The following SPTBN1 variants were observed in gnomAD, a reference collection of about 807,000 sequenced individuals.
SPTBN1 encodes the protein spectrin beta chain, non-erythrocytic 1.
Under a neutral mutation model 266.4 loss-of-function variants are expected in SPTBN1, and 32 were observed. The observed-to-expected ratio is 0.12, with a 90% CI of 0.09 to 0.16. SPTBN1 has a LOEUF of 0.16. SPTBN1 is among the 10% of genes least tolerant of loss of function. The pLI, the probability that SPTBN1 is intolerant of heterozygous loss-of-function variation, is 1.00. For missense variants in SPTBN1, 2,296 were observed against 3,067.1 expected (o/e 0.75, Z 5.94); for synonymous variants, 1,336 against 1,162.2 (o/e 1.15, Z -3.04).
chr2:54,621,274 C>T (rs1558436054), intron 7 of SPTBN1, 126 bp from the exon 8 acceptor site: 1 of 590,866 alleles, frequency 1.7e-6, no homozygotes, highest in South Asian at 2.5e-5. Context: ...TGGCAGAACA[C>T]TCAGGTACAA....
chr2:54,560,568 T>C (rs2104469204), intron 2 of SPTBN1, among the ~76,000 whole-genome samples: 1 of 152,264 alleles, frequency 6.6e-6, no homozygotes, highest in Admixed American at 6.5e-5. Flanking sequence ...TTAAAAAAAA[T>C]CATGTGCCCC....
intron 2 of SPTBN1, among the ~76,000 whole-genome samples, chr2:54,574,301 C>G (rs1674306198): frequency 6.6e-6 from 1 of 152,124 alleles, no homozygotes; most frequent in African/African-American, 2.4e-5. Context: ...GCGGAGCCGG[C>G]CTTTGCACCT....
chr2:54,580,753 C>G (rs919009052), intron 2 of SPTBN1, among the ~76,000 whole-genome samples: 1 of 152,030 alleles, frequency 6.6e-6, no homozygotes, highest in Non-Finnish European at 1.5e-5. Flanking sequence ...ATATGAGAGA[C>G]ACACATAACC....
rs1243865078 is a variant in SPTBN1, at chr2:54,554,963, C to T, written c.148+28397C>T. 6.6e-6 allele frequency among the ~76,000 whole-genome samples: 1 copy of T among 152,212 alleles called. No homozygotes were observed. Among genetic ancestry groups the T allele is most frequent in the East Asian group, 1.9e-4 (1 of 5,200 alleles). On this transcript the variant is annotated intron_variant, in intron 2 of 35. Transcript: ENST00000356805. This position sits in a 1 kb window ranked among gnomAD's most constrained non-coding sequence, Gnocchi z 4.5. ...CTCGTTATTTTCTAACTCCCTGTAA[C>T]CCAGCTTTTGCTTTTATTAACCCAG...
Position 54,632,697 on chromosome 2 carries a change from C to T in SPTBN1, c.3696C>T (p.Gly1232=), listed in dbSNP as rs767198212. The part of the protein sequence containing the change: ...EEKINAVVET[G]RRLVSDGNIN... ...AGATCAATGCTGTGGTGGAGACTGG[C>T]CGGAGGCTGGTGAGCGATGGGAACA... Residue 1232 remains glycine (G), a synonymous_variant, in exon 17 of 36, where the codon GGC becomes GGT. Transcript: ENST00000356805. 1.9e-6 allele frequency: 3 copies of T among 1,614,054 alleles called. No homozygotes were observed. The highest frequency in any genetic ancestry group is 1.7e-5 in the Admixed American group (1 of 59,998).
At chr2:54,597,702 G>A (rs1239893096) in intron 2 of SPTBN1, among the ~76,000 whole-genome samples, 2 of 152,174 alleles carry the variant, frequency 1.3e-5, no homozygotes, top group Admixed American at 6.6e-5. Flanking sequence ...AAAGCCTTCA[G>A]ACAGACCTTC....
At chr2:54,651,215 A>G (rs375082333) in intron 26 of SPTBN1, among the ~76,000 whole-genome samples, 1 of 152,230 alleles carries the variant, frequency 6.6e-6, no homozygotes, top group African/African-American at 2.4e-5. Flanking sequence ...ACTGCAAGAC[A>G]CTTGAGAGAC....
chr2:54,570,069 C>G (rs756935451), intron 2 of SPTBN1, among the ~76,000 whole-genome samples: 1 of 150,098 alleles, frequency 6.7e-6, no homozygotes, highest in African/African-American at 2.4e-5. Flanking sequence ...CTCTCAAGTT[C>G]ATAAAAGCCT....
chr2:54,593,240 T>C (rs1675806083), intron 2 of SPTBN1, among the ~76,000 whole-genome samples: 2 of 152,136 alleles, frequency 1.3e-5, no homozygotes, highest in South Asian at 4.2e-4. Context: ...CAGAACCATT[T>C]CTGGTTCCTA....
At chr2:54,486,652 C>T (rs1011312977) in intron 1 of SPTBN1, among the ~76,000 whole-genome samples, 3 of 151,886 alleles carry the variant, frequency 2.0e-5, no homozygotes, top group Non-Finnish European at 4.4e-5. Context: ...TGCTGACCTT[C>T]CCTCCACTAT....
Position 54,655,282 on chromosome 2 carries a change from G to A in SPTBN1, c.5961+74G>A, listed in dbSNP as rs967058306. Reference sequence around the variant, plus strand: ...ATGACTTTGTTTTATATGTTTGTGTGTGTCAGAGATACTGTGTTTACATTC... The same window carrying A: ...ATGACTTTGTTTTATATGTTTGTGTATGTCAGAGATACTGTGTTTACATTC... On this transcript the variant is annotated intron_variant, in intron 28 of 35. Coordinates refer to ENST00000356805, the MANE Select transcript of SPTBN1 (RefSeq NM_003128.3). The A allele has an allele frequency of 4.5e-6, 7 of 1,564,664 alleles. No homozygotes were observed. In the African/African-American group the frequency reaches 9.5e-5, roughly 21 times the overall value.
rs1176780814 is a variant in SPTBN1, at chr2:54,606,322, A to C, written c.301-5839A>C. Among the ~76,000 whole-genome samples, 4 of 152,088 alleles carry C rather than the reference A, an allele frequency of 2.6e-5. No individual in the cohort carries two copies. The East Asian group carries it at 7.7e-4, about 29-fold the overall frequency. On this transcript the variant is annotated intron_variant, in intron 3 of 35. Transcript: ENST00000356805. ...CACACTGTCGCCTCCACCCTCTTGGAGGGAGACTTATGAGAATGGCTGCTG... is the reference window on the plus strand; with the variant it reads ...CACACTGTCGCCTCCACCCTCTTGGCGGGAGACTTATGAGAATGGCTGCTG...
chr2:54,642,528 A>T (rs1572737419), intron 18 of SPTBN1, among the ~76,000 whole-genome samples: 1 of 62,738 alleles, frequency 1.6e-5, no homozygotes, highest in Non-Finnish European at 3.4e-5. Flanking sequence ...ATAAATAAGT[A>T]GTTTTTTTTT....
At chr2:54,647,408 A>G (rs1679994000) in intron 24 of SPTBN1, 147 bp downstream of exon 24, 3 of 1,119,494 alleles carry the variant, frequency 2.7e-6, no homozygotes, top group Non-Finnish European at 3.7e-6. Context: ...AAACAGACCC[A>G]TCATTTAAAA....
In SPTBN1 at chr2:54,668,365, A is replaced by G. The variant is rs536617105; in HGVS notation, c.6891A>G (p.Thr2297=). 4.4e-5 allele frequency: 71 copies of G among 1,614,146 alleles called. 1 individual carries two copies. In the Middle Eastern group the frequency reaches 8.2e-4, roughly 19 times the overall value. ...CCTCTGTCCAGGAGGAAATGAACAC[A>G]TGGATCCAGGCTATCTCTTCCGCCA... ...FQAKDDEEMN[T]WIQAISSAIS... is the part of the protein sequence containing the mutation. Residue 2297 remains threonine (T), a synonymous_variant, in exon 36 of 36, where the codon ACA becomes ACG. Transcript: ENST00000356805.
In SPTBN1 at chr2:54,540,630, A is replaced by G. The variant is rs1671877839; in HGVS notation, c.148+14064A>G. 6.6e-6 allele frequency: 1 copy of G among 152,180 alleles called. No individual in the cohort carries two copies. The highest frequency in any genetic ancestry group is 6.5e-5 in the Admixed American group (1 of 15,272). 9.4% of individuals were successfully genotyped at this position (152,180 alleles called of 1,614,324 possible). A position where few individuals can be genotyped will look rare whatever the true frequency, so the allele number is the denominator to read the frequency against. Reference sequence around the variant, plus strand: ...TGTTCCTTGGATATCAGGGGCACTCAGTAGAGGGCATCTCTAAAGAAACTA... The same window carrying G: ...TGTTCCTTGGATATCAGGGGCACTCGGTAGAGGGCATCTCTAAAGAAACTA... On this transcript the variant is annotated intron_variant, in intron 2 of 35. Coordinates refer to ENST00000356805, the MANE Select transcript of SPTBN1 (RefSeq NM_003128.3). This position sits in a 1 kb window ranked among gnomAD's most constrained non-coding sequence, Gnocchi z 5.6.
intron 29 of SPTBN1, among the ~76,000 whole-genome samples, chr2:54,657,567 TATTG>T (rs1680758977): frequency 6.6e-6 from 1 of 152,252 alleles, no homozygotes. Flanking sequence ...GTTTTTTTCA[TATTG>T]ATTACATGTT....
In SPTBN1 at chr2:54,664,181, T is replaced by A. The variant is rs1681225940; in HGVS notation, c.6421-272T>A. The A allele has an allele frequency of 5.6e-6, 2 of 354,698 alleles. No individual in the cohort carries two copies. Among genetic ancestry groups the A allele is most frequent in the Middle Eastern group, 7.4e-4 (1 of 1,348 alleles). 22.0% of individuals were successfully genotyped at this position (354,698 alleles called of 1,614,324 possible). On this transcript the variant is annotated intron_variant, in intron 32 of 35. Coordinates refer to ENST00000356805, the MANE Select transcript of SPTBN1 (RefSeq NM_003128.3). This position sits in a 1 kb window ranked among gnomAD's most constrained non-coding sequence, Gnocchi z 5.6. ...TAACCATAAGAGGAGATGATCTGAG[T>A]TATATTTATTGATCAGAGGAATAGA...
intron 18 of SPTBN1, 61 bp from the exon 19 acceptor site, chr2:54,642,922 A>G: frequency 6.4e-7 from 1 of 1,574,256 alleles, no homozygotes; most frequent in Non-Finnish European, 8.6e-7. Flanking sequence ...AACCCTTTCC[A>G]GGCGGAAAAA....
Sources: allele counts gnomAD v4.1 joint callset (sites outside exome capture counted in the v4.1 genomes callset), GRCh38; gene constraint gnomAD v4.1.1; non-coding constraint Gnocchi (gnomAD v3.1); transcripts MANE v1.5; gene names NCBI Gene and HGNC (gene_info 2026-07-23, HGNC 2026-07-21).